Variants in NCAM2 observed in about 807,000 individuals in gnomAD.
NCAM2 encodes the protein N-CAM-2.
NCAM2 carries 30 observed loss-of-function variants against 98.1 expected under a neutral mutation model. The observed-to-expected ratio is 0.31, with a 90% confidence interval of 0.23 to 0.41. NCAM2 has a LOEUF of 0.41. Among genes scored for constraint, NCAM2 ranks in the 10% least tolerant of loss-of-function variants. The probability of loss-of-function intolerance (pLI) is 1.00; values close to 1 mark genes in which losing one functional copy is unlikely to be tolerated. For missense variants in NCAM2, 867 were observed against 1,005.8 expected, an observed-to-expected ratio of 0.86 and a Z score of 1.87; for synonymous variants, 368 against 342.4, an observed-to-expected ratio of 1.07 and a Z score of -0.83.
chr21:21,407,629 T>C (rs2076767949), intron 9 of NCAM2, among the ~76,000 whole-genome samples: 1 of 152,198 alleles, frequency 6.6e-6, no homozygotes, highest in Non-Finnish European at 1.5e-5. Context: ...TTTGTAACTA[T>C]ATTTTCCTTA....
chr21:21,047,033 TG>T (rs1568964066), intron 1 of NCAM2, among the ~76,000 whole-genome samples: 1 of 100,252 alleles, frequency 1.0e-5, no homozygotes, highest in African/African-American at 3.9e-5. Flanking sequence ...AGCTGCTTTA[TG>T]AAACAGCTTA....
chr21:21,134,182 C>CTGGGATTACAA (rs1569059881), intron 1 of NCAM2, among the ~76,000 whole-genome samples: 4 of 151,862 alleles, frequency 2.6e-5, no homozygotes, highest in African/African-American at 9.7e-5. Context: ...GATTCTCCTG[C>CTGGGATTACAA]GTCAGCCTCC....
chr21:21,396,010 A>G (rs2076497682), intron 9 of NCAM2, among the ~76,000 whole-genome samples: 1 of 152,172 alleles, frequency 6.6e-6, no homozygotes, highest in Non-Finnish European at 1.5e-5. Context: ...AGATAAATAG[A>G]TGGGACTTAA....
chr21:21,452,961 ATATTATATATTATTATATAT>A (rs1216152907), intron 12 of NCAM2, among the ~76,000 whole-genome samples: 1 of 39,834 alleles, frequency 2.5e-5, no homozygotes, highest in African/African-American at 7.7e-5. Context: ...TATATATTAT[ATATTATATATTATTATATAT>A]TATATATTAT....
chr21:21,345,235 G>T (rs1816871), intron 8 of NCAM2, among the ~76,000 whole-genome samples: 1,920 of 152,074 alleles, frequency 0.013, 42 homozygotes, highest in African/African-American at 0.044. Flanking sequence ...ACATCTACTA[G>T]CATTAACACC....
intron 6 of NCAM2, among the ~76,000 whole-genome samples, chr21:21,328,497 G>A (rs922638446): frequency 7.2e-5 from 11 of 151,944 alleles, no homozygotes; most frequent in Middle Eastern, 6.8e-3. Context: ...ACCTTGTAGT[G>A]GGATGAGATG....
At chr21:21,261,105 AGAATG>A (rs2071881829) in intron 1 of NCAM2, among the ~76,000 whole-genome samples, 1 of 152,174 alleles carries the variant, frequency 6.6e-6, no homozygotes, top group South Asian at 2.1e-4. Context: ...AGAAAAAAAA[AGAATG>A]GAATTATTTA....
At chr21:21,147,290 A>G (rs2067306699) in intron 1 of NCAM2, 3 of 973,438 alleles carry the variant, frequency 3.1e-6, no homozygotes, top group Non-Finnish European at 3.6e-6. Context: ...GAGAATTACT[A>G]CAACATGCTA....
chr21:21,408,849 A>C (rs2076795095), intron 9 of NCAM2, among the ~76,000 whole-genome samples: 2 of 152,058 alleles, frequency 1.3e-5, no homozygotes, highest in South Asian at 2.1e-4. Context: ...TTGTCATTAA[A>C]AACATTCATT....
At chr21:21,450,761 T>C (rs1980909561) in intron 12 of NCAM2, among the ~76,000 whole-genome samples, 1 of 148,894 alleles carries the variant, frequency 6.7e-6, no homozygotes. Context: ...GTGTTATTCC[T>C]CCTCCCCATC....
At chr21:21,376,874 A>C (rs1258775926) in intron 9 of NCAM2, among the ~76,000 whole-genome samples, 1 of 151,772 alleles carries the variant, frequency 6.6e-6, no homozygotes, top group African/African-American at 2.4e-5. Flanking sequence ...CTTGTTTTCT[A>C]AAAGGATGTT....
intron 1 of NCAM2, among the ~76,000 whole-genome samples, chr21:21,058,841 TCTTACTATTG>T (rs1461446764): frequency 3.9e-5 from 6 of 152,120 alleles, no homozygotes; most frequent in Admixed American, 3.9e-4. Context: ...TCATTGTATT[TCTTACTATTG>T]CTTACTAATA....
chr21:21,162,936 T>G (rs2067832103), intron 1 of NCAM2, among the ~76,000 whole-genome samples: 1 of 152,190 alleles, frequency 6.6e-6, no homozygotes, highest in Non-Finnish European at 1.5e-5. Context: ...AGAAGAAATT[T>G]GGCAGTTCCT....
intron 16 of NCAM2, among the ~76,000 whole-genome samples, chr21:21,512,802 A>G (rs891086941): frequency 6.6e-6 from 1 of 151,986 alleles, no homozygotes; most frequent in African/African-American, 2.4e-5. Flanking sequence ...TGTTTTACTT[A>G]TTCACTTAAG....
intron 1 of NCAM2, among the ~76,000 whole-genome samples, chr21:21,230,769 C>T (rs558156215): frequency 1.3e-5 from 2 of 151,260 alleles, no homozygotes; most frequent in Non-Finnish European, 3.0e-5. Flanking sequence ...ATGAGTATTC[C>T]GTTTAAGGGC....
intron 5 of NCAM2, among the ~76,000 whole-genome samples, chr21:21,301,408 A>G (rs2073709259): frequency 7.0e-6 from 1 of 143,776 alleles, no homozygotes; most frequent in African/African-American, 2.6e-5. Context: ...ATTATACTTT[A>G]AGTTTTAGGG....
chr21:21,205,042 A>ATG (rs1353196270), intron 1 of NCAM2, among the ~76,000 whole-genome samples: 1 of 152,146 alleles, frequency 6.6e-6, no homozygotes, highest in Admixed American at 6.5e-5. Flanking sequence ...ATATATATAT[A>ATG]TATGCAAGTG....
At chr21:21,385,580 C>A in intron 9 of NCAM2, 1 of 1,233,780 alleles carries the variant, frequency 8.1e-7, no homozygotes, top group Non-Finnish European at 1.1e-6. Context: ...CCTTTTTTTG[C>A]TCAAAACCTC....
At chr21:21,382,334 T>TATA (rs1261454990) in intron 9 of NCAM2, among the ~76,000 whole-genome samples, 3 of 152,118 alleles carry the variant, frequency 2.0e-5, no homozygotes, top group Middle Eastern at 3.2e-3. Context: ...ACACATATGT[T>TATA]ATACCCTTTG....
Sources: gnomAD v4.1 joint callset for allele counts (sites outside exome capture counted in the v4.1 genomes callset) on GRCh38, gnomAD v4.1.1 for gene constraint, MANE v1.5 for transcripts, NCBI Gene and HGNC (gene_info 2026-07-23, HGNC 2026-07-21) for gene names.